The following EPHB1 variants were observed in gnomAD, a reference collection of about 807,000 sequenced individuals.
The protein encoded by EPHB1 is EPH receptor B1.
Under a neutral mutation model 94.4 loss-of-function variants are expected in EPHB1, and 30 were observed. That is an observed-to-expected ratio of 0.32 (90% CI 0.24 to 0.43). The LOEUF (loss-of-function observed/expected upper bound fraction) is 0.43, where lower values mean the gene tolerates loss of function less well. Among genes scored for constraint, EPHB1 ranks in the 20% least tolerant of loss-of-function variants. The pLI, the probability that EPHB1 is intolerant of heterozygous loss-of-function variation, is 1.00. For synonymous variants in EPHB1, 522 were observed against 489.1 expected (o/e 1.07, Z -0.89); for missense variants, 1,055 against 1,308.3 (o/e 0.81, Z 2.99).
chr3:135,030,385 T>C (rs904433735), intron 3 of EPHB1, among the ~76,000 whole-genome samples: 10 of 152,218 alleles, frequency 6.6e-5, no homozygotes, highest in Non-Finnish European at 1.2e-4. Flanking sequence ...ATGATGGTGA[T>C]GTACAGATGG....
intron 9 of EPHB1, among the ~76,000 whole-genome samples, chr3:135,169,920 C>T (rs1347139666): frequency 1.3e-5 from 2 of 152,196 alleles, no homozygotes; most frequent in African/African-American, 2.4e-5. Flanking sequence ...TCCCAGCTGT[C>T]TAAGTTGGTG....
intron 1 of EPHB1, among the ~76,000 whole-genome samples, chr3:134,902,221 G>A (rs2038217058): frequency 6.6e-6 from 1 of 152,154 alleles, no homozygotes; most frequent in Non-Finnish European, 1.5e-5. Context: ...AATGTCAGTG[G>A]ATATAGAGAT....
intron 3 of EPHB1, among the ~76,000 whole-genome samples, chr3:134,964,004 G>T (rs6775121): frequency 0.053 from 8,133 of 152,144 alleles, 362 homozygotes; most frequent in African/African-American, 0.12. Context: ...TCACATTCCC[G>T]TTCCTCTACT....
At chr3:134,934,495 G>C (rs62270317) in intron 2 of EPHB1, among the ~76,000 whole-genome samples, 1 of 152,102 alleles carries the variant, frequency 6.6e-6, no homozygotes, top group Non-Finnish European at 1.5e-5. Flanking sequence ...GAGCAGCAAG[G>C]CCACTGCTCT....
At chr3:135,027,901 A>G (rs1314915800) in intron 3 of EPHB1, among the ~76,000 whole-genome samples, 1 of 136,088 alleles carries the variant, frequency 7.3e-6, no homozygotes, top group Non-Finnish European at 1.6e-5. Context: ...ACAACTTCAG[A>G]TCCTGTTATT....
intron 12 of EPHB1, among the ~76,000 whole-genome samples, chr3:135,230,424 C>A (rs1035891283): frequency 6.6e-6 from 1 of 152,152 alleles, no homozygotes; most frequent in Non-Finnish European, 1.5e-5. Context: ...TCTAGAGAAG[C>A]TAAAGCCCTT....
At chr3:135,228,743 C>A (rs535043998) in intron 12 of EPHB1, among the ~76,000 whole-genome samples, 2 of 134,274 alleles carry the variant, frequency 1.5e-5, no homozygotes, top group South Asian at 5.4e-4. Flanking sequence ...GGGGTGACAG[C>A]GTGGGTGGGG....
chr3:134,862,741 C>G (rs1392403940), intron 1 of EPHB1, among the ~76,000 whole-genome samples: 1 of 152,038 alleles, frequency 6.6e-6, no homozygotes, highest in African/African-American at 2.4e-5. Flanking sequence ...GAAGGCTGGT[C>G]TTGGGCCCTG....
chr3:135,134,233 A>C (rs1342130337), intron 5 of EPHB1, among the ~76,000 whole-genome samples: 1 of 152,230 alleles, frequency 6.6e-6, no homozygotes, highest in Non-Finnish European at 1.5e-5. Flanking sequence ...TGTTAGTAGA[A>C]TAGCAGGAGC....
chr3:134,918,232 G>A (rs2038611604), intron 1 of EPHB1, among the ~76,000 whole-genome samples: 1 of 152,324 alleles, frequency 6.6e-6, no homozygotes, highest in East Asian at 1.9e-4. Context: ...AGTCTTTCAG[G>A]TGTGTAGAGG....
At chr3:135,053,005 G>GTGTGTATATATATGTGTGTGTA (rs1553726812) in intron 3 of EPHB1, among the ~76,000 whole-genome samples, 1 of 85,004 alleles carries the variant, frequency 1.2e-5, no homozygotes, top group African/African-American at 5.7e-5. Context: ...ATATGTGTGT[G>GTGTGTATATATATGTGTGTGTA]TATATATATG....
In EPHB1 at chr3:135,255,098, CCTCT is replaced by C. The variant is rs559754869; in HGVS notation, c.2847-3909_2847-3906del. Among the ~76,000 whole-genome samples, 827 of 151,988 alleles carry C rather than the reference CCTCT, an allele frequency of 5.4e-3. 6 individuals are homozygous for C. The highest frequency in any genetic ancestry group is 0.019 in the African/African-American group (783 of 41,444). ...CATTTTTTATTGTGTCTATTTGATT[CCTCT>C]CTCTTTTTTTATTAGTCTTGCTAGC... is the stretch of plus-strand genomic sequence containing the variant. On this transcript the variant is annotated intron_variant, in intron 15 of 15. Coordinates refer to ENST00000398015, the MANE Select transcript of EPHB1 (RefSeq NM_004441.5).
intron 7 of EPHB1, among the ~76,000 whole-genome samples, chr3:135,163,279 C>T (rs1198681648): frequency 6.6e-6 from 1 of 152,078 alleles, no homozygotes; most frequent in Non-Finnish European, 1.5e-5. Context: ...TAAGAGAAGC[C>T]AATACTTGTG....
intron 11 of EPHB1, among the ~76,000 whole-genome samples, chr3:135,200,108 T>C (rs1417886045): frequency 1.3e-5 from 2 of 152,242 alleles, no homozygotes; most frequent in Non-Finnish European, 2.9e-5. Flanking sequence ...GGCTGTGCTC[T>C]ACTTATAGAA....
intron 1 of EPHB1, among the ~76,000 whole-genome samples, chr3:134,808,763 C>T (rs2036115548): frequency 6.6e-6 from 1 of 152,140 alleles, no homozygotes; most frequent in Admixed American, 6.5e-5. Flanking sequence ...TCTGTATCTT[C>T]CTGAGCATCA....
intron 1 of EPHB1, among the ~76,000 whole-genome samples, chr3:134,880,723 G>C (rs945778714): frequency 2.6e-5 from 4 of 152,238 alleles, no homozygotes; most frequent in African/African-American, 9.6e-5. Flanking sequence ...TGGGCAGAGC[G>C]GTAGATGAGC....
At chr3:135,165,439 C>T (rs761708123) in intron 7 of EPHB1, among the ~76,000 whole-genome samples, 2 of 152,186 alleles carry the variant, frequency 1.3e-5, no homozygotes, top group African/African-American at 2.4e-5. Context: ...TCTTCTTGAG[C>T]GGGAACTCAG....
intron 6 of EPHB1, 138 bp downstream of exon 6, chr3:135,154,414 G>T: frequency 1.6e-6 from 2 of 1,254,262 alleles, no homozygotes; most frequent in South Asian, 1.5e-5. Flanking sequence ...AGGTCCCTGG[G>T]AGAGTTCTCC....
intron 2 of EPHB1, among the ~76,000 whole-genome samples, chr3:134,944,225 T>G (rs2039176098): frequency 6.6e-6 from 1 of 152,236 alleles, no homozygotes; most frequent in Non-Finnish European, 1.5e-5. Context: ...TATGTGGTCT[T>G]TTGAGACACA....
Sources: allele counts gnomAD v4.1 joint callset (sites outside exome capture counted in the v4.1 genomes callset), GRCh38; gene constraint gnomAD v4.1.1; transcripts MANE v1.5; gene names NCBI Gene and HGNC (gene_info 2026-07-23, HGNC 2026-07-21).